Variants in TSBP1 observed in about 807,000 individuals in gnomAD.
TSBP1 encodes the protein testis-expressed basic protein 1.
Under a neutral mutation model 68.8 loss-of-function variants are expected in TSBP1, and 56 were observed. The observed-to-expected ratio is 0.81, with a 90% CI of 0.66 to 1.02. The LOEUF is 1.02. Ranked by LOEUF, TSBP1 falls within the 50% of genes least tolerant of loss-of-function variation. The pLI is 0.00. For synonymous variants in TSBP1, 171 were observed against 208.7 expected (o/e 0.82, Z 1.56); for missense variants, 502 against 641.2 (o/e 0.78, Z 2.34).
chr6:32,302,140 G>T lies in TSBP1; in HGVS notation c.601+469C>A, dbSNP rs991310643. Among the ~76,000 whole-genome samples the T allele has an allele frequency of 2.0e-5, 3 of 151,942 alleles. No homozygotes were observed. Among genetic ancestry groups the T allele is most frequent in the Non-Finnish European group, 4.4e-5 (3 of 67,998 alleles). On this transcript the variant is annotated intron_variant, in intron 20 of 22. Transcript: ENST00000612031. This position sits in a 1 kb window ranked among gnomAD's most constrained non-coding sequence, Gnocchi z 5.1. ...AGCAGGGTTGAGTAGTTGTGACAGA[G>T]ACTTTAAGGCTTATAAAATTTAAAA...
rs1390664728 is a variant in TSBP1, at chr6:32,361,929, C to T, written c.217+4238G>A. On this transcript the variant is annotated intron_variant, in intron 6 of 22. Transcript: ENST00000612031. The surrounding 1 kb of genome is among the most constrained non-coding windows in gnomAD (Gnocchi z 4.3). ...GGTGATTATATCATGAGGGTTCTACCCACATAAATGGATTAATCCACTAAT... is the reference window on the plus strand; with the variant it reads ...GGTGATTATATCATGAGGGTTCTACTCACATAAATGGATTAATCCACTAAT... Among the ~76,000 whole-genome samples, 1 of 151,952 alleles carries T rather than the reference C, an allele frequency of 6.6e-6. No homozygotes were observed. The highest frequency in any genetic ancestry group is 1.5e-5 in the Non-Finnish European group (1 of 68,000).
At chr6:32,366,026 G>A in intron 6 of TSBP1, 141 bp downstream of exon 6, 1 of 1,304,774 alleles carries the variant, frequency 7.7e-7, no homozygotes, top group Non-Finnish European at 1.1e-6. Flanking sequence ...GAACATTTGT[G>A]AACATTTCTC....
intron 9 of TSBP1, among the ~76,000 whole-genome samples, chr6:32,339,917 A>G (rs1562142407): frequency 6.6e-6 from 1 of 152,366 alleles, no homozygotes; most frequent in East Asian, 1.9e-4. Context: ...TAATAACAGA[A>G]GGGAAAGATG....
In TSBP1 at chr6:32,313,077, C is replaced by T. The variant is rs577691005; in HGVS notation, c.580+2695G>A. On this transcript the variant is annotated intron_variant, in intron 19 of 22. Transcript: ENST00000612031. ...GGGCCCGACATAATCTGGCTTTTGTCGCTCTGGCCCTACCTCCTGCTCTGC... is the reference window on the plus strand; with the variant it reads ...GGGCCCGACATAATCTGGCTTTTGTTGCTCTGGCCCTACCTCCTGCTCTGC... Among the ~76,000 whole-genome samples the T allele has an allele frequency of 3.7e-4, 56 of 152,286 alleles. 1 individual carries two copies. The highest frequency in any genetic ancestry group is 3.5e-3 in the Admixed American group (54 of 15,300).
At chr6:32,328,282 C>T (rs1280773041) in intron 16 of TSBP1, among the ~76,000 whole-genome samples, 1 of 152,018 alleles carries the variant, frequency 6.6e-6, no homozygotes, top group Non-Finnish European at 1.5e-5. Flanking sequence ...GAGTCTCGCT[C>T]TGTCGCCCAG....
intron 16 of TSBP1, among the ~76,000 whole-genome samples, chr6:32,327,658 T>TATTTTCTTTCTTTCTTTTTTTTTTTTTTC (rs1554195529): frequency 1.4e-5 from 2 of 145,110 alleles, no homozygotes; most frequent in Admixed American, 7.0e-5. Context: ...CTTTTTCTTT[T>TATTTTCTTTCTTTCTTTTTTTTTTTTTTC]TTTTTTTCTT....
exon 7 of TSBP1, chr6:32,355,664 A>G (rs1475018242): frequency 6.3e-7 from 1 of 1,588,212 alleles, no homozygotes; most frequent in East Asian, 2.3e-5. Context: ...TCTCTTTTGG[A>G]TCTCTCTGAA....
exon 6 of TSBP1, chr6:32,366,167 C>T: frequency 6.2e-7 from 1 of 1,602,222 alleles, no homozygotes; most frequent in Non-Finnish European, 8.5e-7. Flanking sequence ...ATATACTTAC[C>T]TCGGTTATCA....
chr6:32,364,983 T>A (rs564629820), intron 6 of TSBP1, among the ~76,000 whole-genome samples: 1 of 152,042 alleles, frequency 6.6e-6, no homozygotes, highest in Non-Finnish European at 1.5e-5. Flanking sequence ...AGCATCAAAC[T>A]CTTGGGCTCA....
intron 22 of TSBP1, among the ~76,000 whole-genome samples, chr6:32,294,455 A>G (rs1764492818): frequency 6.6e-6 from 1 of 152,374 alleles, no homozygotes; most frequent in East Asian, 1.9e-4. Flanking sequence ...GAATAAAAGC[A>G]TATCTTATTA....
At chr6:32,345,670 T>G (rs1215540450) in intron 9 of TSBP1, among the ~76,000 whole-genome samples, 1 of 152,220 alleles carries the variant, frequency 6.6e-6, no homozygotes, top group Non-Finnish European at 1.5e-5. Context: ...CATTTCAGAT[T>G]GCAGTCCTTA....
intron 22 of TSBP1, 190 bp from the exon 26 acceptor site, chr6:32,294,225 A>G: frequency 1.5e-6 from 1 of 684,128 alleles, no homozygotes; most frequent in Non-Finnish European, 2.5e-6. Context: ...ATTCTGGACT[A>G]TTTTCAATAA....
At chr6:32,367,953 A>T (rs1242326813) in exon 4 of TSBP1, 1 of 1,610,936 alleles carries the variant, frequency 6.2e-7, no homozygotes, top group Admixed American at 1.7e-5. Context: ...CCAGAAGTCT[A>T]GCACCTAGAA....
chr6:32,299,190 G>A (rs761522133), intron 22 of TSBP1, among the ~76,000 whole-genome samples: 6 of 152,154 alleles, frequency 3.9e-5, no homozygotes, highest in Non-Finnish European at 5.9e-5. Context: ...TTAACCTTGG[G>A]TAAATACCTG....
rs183619936 is a variant in TSBP1 at position 32,336,331 on chromosome 6, T to G, written c.430+284A>C. 7.0e-3 allele frequency among the ~76,000 whole-genome samples: 1,066 copies of G among 152,324 alleles called. 19 individuals are homozygous for G. The highest frequency in any genetic ancestry group is 0.02 in the East Asian group (102 of 5,194). On this transcript the variant is annotated intron_variant, in intron 12 of 22. Coordinates refer to ENST00000612031, the Ensembl canonical transcript of TSBP1. The surrounding 1 kb of genome is among the most constrained non-coding windows in gnomAD (Gnocchi z 5.2). ...CTAAGAGGGCTGTTTTGGTTTATAT[T>G]TTTAAATGTTAGCCTGTGAGATTTC...
At chr6:32,309,124 A>AT (rs1766105531) in intron 19 of TSBP1, among the ~76,000 whole-genome samples, 1 of 150,094 alleles carries the variant, frequency 6.7e-6, no homozygotes, top group Non-Finnish European at 1.5e-5. Context: ...TGATGTTTGT[A>AT]TTTTTTGTAG....
chr6:32,318,639 A>G (rs1425276117), intron 18 of TSBP1, among the ~76,000 whole-genome samples: 1 of 152,216 alleles, frequency 6.6e-6, no homozygotes, highest in Non-Finnish European at 1.5e-5. Flanking sequence ...GGAAGAAGCC[A>G]GGCACAAAAG....
chr6:32,325,680 A>T lies in TSBP1; in HGVS notation c.515-2066T>A. On this transcript the variant is annotated intron_variant, in intron 16 of 22. Transcript: ENST00000612031. This position sits in a 1 kb window ranked among gnomAD's most constrained non-coding sequence, Gnocchi z 4.4. The stretch of plus-strand genomic sequence containing the variant: ...GGATTTGCCTTTGTAACCTTTGATG[A>T]CCATGACTCCGTGGATAAGACTGTC... 9.4e-7 allele frequency: 1 copy of T among 1,065,862 alleles called. No individual in the cohort carries two copies. The highest frequency in any genetic ancestry group is 1.4e-6 in the Non-Finnish European group (1 of 695,886). 66.0% of individuals were successfully genotyped at this position (1,065,862 alleles called of 1,614,324 possible). A position where few individuals can be genotyped will look rare whatever the true frequency, so the allele number is the denominator to read the frequency against.
chr6:32,313,612 T>G (rs142121401), intron 19 of TSBP1, among the ~76,000 whole-genome samples: 6,090 of 152,044 alleles, frequency 0.04, 351 homozygotes, highest in African/African-American at 0.13. Context: ...ATAGATTTCA[T>G]AACTTTTAGT....
Sources: allele counts gnomAD v4.1 joint callset (sites outside exome capture counted in the v4.1 genomes callset), GRCh38; gene constraint gnomAD v4.1.1; non-coding constraint Gnocchi (gnomAD v3.1); transcripts MANE v1.5; gene names NCBI Gene and HGNC (gene_info 2026-07-23, HGNC 2026-07-21).